Variants in TMEM235 observed in about 807,000 individuals in gnomAD.
TMEM235 encodes the protein claudin-27.
TMEM235 carries 23 observed loss-of-function variants against 22.9 expected under a neutral mutation model. The ratio of observed to expected loss-of-function variants is 1.00; its 90% CI spans 0.72 to 1.42. The LOEUF (loss-of-function observed/expected upper bound fraction) is 1.42, where lower values mean the gene tolerates loss of function less well. Ranked by LOEUF, TMEM235 falls within the 40% of genes most tolerant of loss-of-function variation. The pLI is 0.00. For missense variants in TMEM235, 308 were observed against 299.5 expected (o/e 1.03, Z -0.21); for synonymous variants, 137 against 140.5 (o/e 0.98, Z 0.17).
chr17:78,239,340 G>A (rs1477107855), intron 5 of TMEM235, 67 bp downstream of exon 4: 2 of 1,478,352 alleles, frequency 1.4e-6, no homozygotes, highest in Non-Finnish European at 1.8e-6. Context: ...GGCCCCTTGA[G>A]AGTCTGGGAA....
rs556830099 is a variant in TMEM235 at position 78,232,752 on chromosome 17, GCTGGGGCCAGCCTGGGGAGCTTCCCCTT to G, written c.190+541_190+568del. 8.1e-3 allele frequency among the ~76,000 whole-genome samples: 1,229 copies of G among 152,064 alleles called. 9 individuals carry two copies. The highest frequency in any genetic ancestry group is 0.028 in the African/African-American group (1,175 of 41,314). ...GTTCCCCCCAGCTCCCTCCTCCGGA[GCTGGGGCCAGCCTGGGGAGCTTCCCCTT>G]CACAGCGCGAGGGCTGGCAGGGCAG... On this transcript the variant is annotated intron_variant, in intron 2 of 5. Coordinates refer to ENST00000421688, the Ensembl canonical transcript of TMEM235.
chr17:78,231,536 G>A, exon 2 of TMEM235: 1 of 1,303,974 alleles, frequency 7.7e-7, no homozygotes, highest in South Asian at 1.2e-5. Flanking sequence ...CCCGTGCCAG[G>A]CTCCTATGCT....
chr17:78,239,686 T>C, intron 5 of TMEM235, 94 bp from the exon 5 acceptor site: 2 of 1,464,056 alleles, frequency 1.4e-6, no homozygotes, highest in Non-Finnish European at 1.8e-6. Flanking sequence ...GGGAGAAAAG[T>C]AGGTGCCTGT....
At chr17:78,236,341 T>G (rs962979690) in intron 4 of TMEM235, among the ~76,000 whole-genome samples, 1 of 152,164 alleles carries the variant, frequency 6.6e-6, no homozygotes, top group Non-Finnish European at 1.5e-5. Context: ...GGGCCAGGCA[T>G]GAAGGCAGGT....
intron 4 of TMEM235, 52 bp downstream of exon 3, chr17:78,234,782 G>A: frequency 6.5e-7 from 1 of 1,532,646 alleles, no homozygotes; most frequent in Admixed American, 2.0e-5. Context: ...CTGGGCCACA[G>A]GTCCCGGGAG....
At chr17:78,233,473 C>T (rs1467146897) in intron 2 of TMEM235, among the ~76,000 whole-genome samples, 5 of 152,178 alleles carry the variant, frequency 3.3e-5, no homozygotes, top group African/African-American at 9.6e-5. Context: ...TTTGGGAGGC[C>T]GAGGCGGGTG....
intron 5 of TMEM235, 50 bp downstream of exon 4, chr17:78,239,323 G>A (rs1474519812): frequency 1.3e-6 from 2 of 1,505,508 alleles, no homozygotes; most frequent in Non-Finnish European, 1.8e-6. Context: ...TGGGCGGTCA[G>A]GGCCAGGGCC....
intron 4 of TMEM235, among the ~76,000 whole-genome samples, chr17:78,235,142 T>C (rs2076628641): frequency 6.6e-6 from 1 of 152,150 alleles, no homozygotes; most frequent in South Asian, 2.1e-4. Flanking sequence ...TTTAATTGGC[T>C]CATGGTTCTG....
At chr17:78,233,327 C>T (rs1318549346) in intron 2 of TMEM235, among the ~76,000 whole-genome samples, 1 of 152,226 alleles carries the variant, frequency 6.6e-6, no homozygotes, top group Non-Finnish European at 1.5e-5. Context: ...TACAAGGACC[C>T]CTGCCTGAGG....
chr17:78,235,483 C>G (rs1197840196), intron 4 of TMEM235, among the ~76,000 whole-genome samples: 1 of 151,736 alleles, frequency 6.6e-6, no homozygotes, highest in Non-Finnish European at 1.5e-5. Flanking sequence ...GACGGGGTCT[C>G]TCCATGCTGG....
exon 5 of TMEM235, chr17:78,239,240 G>C (rs1293035249): frequency 3.9e-6 from 6 of 1,542,370 alleles, no homozygotes; most frequent in Non-Finnish European, 5.2e-6. Flanking sequence ...CCCCCAATCT[G>C]TGGTCATCTG....
At chr17:78,239,049 C>T (rs1383610447) in exon 5 of TMEM235, 1 of 1,542,850 alleles carries the variant, frequency 6.5e-7, no homozygotes, top group Admixed American at 2.0e-5. Flanking sequence ...CGGGGGTCAG[C>T]ATCTACATCA....
chr17:78,233,832 CG>C (rs1161863335), intron 2 of TMEM235, 62 bp from the exon 2 acceptor site: 4 of 1,488,598 alleles, frequency 2.7e-6, no homozygotes, highest in Non-Finnish European at 2.7e-6. Flanking sequence ...CCCCTGGGCT[CG>C]GGTAGGCTGC....
chr17:78,232,289 G>C, intron 2 of TMEM235, 76 bp downstream of exon 1: 2 of 1,317,936 alleles, frequency 1.5e-6, no homozygotes, highest in Non-Finnish European at 2.0e-6. Context: ...CGCCCTGCTC[G>C]TGTTGCCCCG....
chr17:78,238,550 C>G lies in TMEM235; in HGVS notation c.410-474C>G, dbSNP rs1042671401. Among the ~76,000 whole-genome samples, 19 of 138,330 alleles carry G rather than the reference C, an allele frequency of 1.4e-4. No homozygotes were observed. Among genetic ancestry groups the G allele is most frequent in the South Asian group, 7.7e-4 (3 of 3,910 alleles). The allele number at this position is 138,330 out of a possible 152,430, so 90.7% of individuals were successfully genotyped here. A position where few individuals can be genotyped will look rare whatever the true frequency, so the allele number is the denominator to read the frequency against. The stretch of plus-strand genomic sequence containing the variant: ...GCTGCTGCCAGCAGAGGCCATGGCT[C>G]TGTGTGTGTGTGTGTGTGTGTGTGT... On this transcript the variant is annotated intron_variant, in intron 4 of 5. Transcript: ENST00000421688. The surrounding 1 kb of genome is among the most constrained non-coding windows in gnomAD (Gnocchi z 4.3).
In TMEM235 at chr17:78,239,903, TTGG is replaced by T. The variant is rs1159749609; in HGVS notation, c.*115_*117del. The T allele has an allele frequency of 6.4e-6, 10 of 1,551,206 alleles. No individual in the cohort carries two copies. In the Admixed American group the frequency reaches 1.6e-4, roughly 24 times the overall value. Reference sequence around the variant, plus strand: ...TGTCCACTCTCCCCGAAGGGCAGGCTTGGTGGAGAAGAGGCTGATGAGAGGGCC... The same window carrying T: ...TGTCCACTCTCCCCGAAGGGCAGGCTTGGAGAAGAGGCTGATGAGAGGGCC... On this transcript the variant is annotated 3_prime_UTR_variant, in exon 6 of 6. Coordinates refer to ENST00000421688, the Ensembl canonical transcript of TMEM235.
At chr17:78,233,546 T>A (rs1019293152) in intron 2 of TMEM235, among the ~76,000 whole-genome samples, 19 of 151,838 alleles carry the variant, frequency 1.3e-4, no homozygotes, top group Non-Finnish European at 1.9e-4. Context: ...ATACAAAAAA[T>A]TAGCCGGGCA....
intron 5 of TMEM235, 70 bp from the exon 5 acceptor site, chr17:78,239,710 A>G (rs80014151): frequency 0.024 from 35,907 of 1,491,106 alleles, 462 homozygotes; most frequent in Middle Eastern, 0.026. Flanking sequence ...ATGCCGCAGG[A>G]CTGGGCTCCA....
rs55893266 is a variant in TMEM235, at chr17:78,238,550, C to CTGTGTGTGTGTGTGTGTG, written c.410-455_410-438dup. 2.2e-5 allele frequency among the ~76,000 whole-genome samples: 3 copies of CTGTGTGTGTGTGTGTGTG among 138,230 alleles called. No individual in the cohort carries two copies. The highest frequency in any genetic ancestry group is 4.7e-5 in the Non-Finnish European group (3 of 63,868). The allele number at this position is 138,230 out of a possible 152,430, so 90.7% of individuals were successfully genotyped here. ...GCTGCTGCCAGCAGAGGCCATGGCT[C>CTGTGTGTGTGTGTGTGTG]TGTGTGTGTGTGTGTGTGTGTGTGT... On this transcript the variant is annotated intron_variant, in intron 4 of 5. Coordinates refer to ENST00000421688, the Ensembl canonical transcript of TMEM235. The surrounding 1 kb of genome is among the most constrained non-coding windows in gnomAD (Gnocchi z 4.3).
Sources: allele counts gnomAD v4.1 joint callset (sites outside exome capture counted in the v4.1 genomes callset), GRCh38; gene constraint gnomAD v4.1.1; non-coding constraint Gnocchi (gnomAD v3.1); transcripts MANE v1.5; gene names NCBI Gene and HGNC (gene_info 2026-07-23, HGNC 2026-07-21).